The following POM121C variants were observed in gnomAD, a reference collection of about 807,000 sequenced individuals.
POM121C encodes nuclear envelope pore membrane protein POM 121C.
A neutral mutation model predicts 66.4 loss-of-function variants in POM121C; 20 were observed. The observed-to-expected ratio is 0.30, with a 90% CI of 0.21 to 0.44. POM121C has a LOEUF of 0.44. POM121C is among the 20% of genes least tolerant of loss of function. POM121C has a pLI of 1.00. For synonymous variants in POM121C, 286 were observed against 528.0 expected, an observed-to-expected ratio of 0.54 and a Z score of 6.28; for missense variants, 580 against 1,225.7, an observed-to-expected ratio of 0.47 and a Z score of 7.87.
intron 3 of POM121C, among the ~76,000 whole-genome samples, chr7:75,457,755 C>T (rs1373403279): frequency 6.6e-6 from 1 of 152,244 alleles, no homozygotes; most frequent in African/African-American, 2.4e-5. Flanking sequence ...CAACCCATTT[C>T]CCGTTCCCCG....
At chr7:75,456,380 T>G (rs1554476295) in intron 3 of POM121C, among the ~76,000 whole-genome samples, 3 of 152,266 alleles carry the variant, frequency 2.0e-5, no homozygotes, top group Non-Finnish European at 4.4e-5. Context: ...ATGTACCGAG[T>G]GCTGCTTCTG....
intron 6 of POM121C, 68 bp from the exon 7 acceptor site, chr7:75,437,754 C>G (rs1394103672): frequency 6.7e-7 from 1 of 1,494,674 alleles, no homozygotes; most frequent in Non-Finnish European, 9.0e-7. Context: ...CATCCACGGT[C>G]ATGACATCTT....
At position 75,426,749 on chromosome 7, in the gene POM121C, G is replaced by C. The variant is rs1449744262; in HGVS notation, c.481-296C>G. Among the ~76,000 whole-genome samples, 446 of 54,102 alleles carry C rather than the reference G, an allele frequency of 8.2e-3. 2 individuals are homozygous for C. Among genetic ancestry groups the C allele is most frequent in the Middle Eastern group, 0.021 (1 of 48 alleles). 35.5% of individuals were successfully genotyped at this position (54,102 alleles called of 152,430 possible). A position where few individuals can be genotyped will look rare whatever the true frequency, so the allele number is the denominator to read the frequency against. ...TACTCAGGAGGCTGCAGTGAGCTGAGATTGCCCCACTGCACTCCAGCCTGG... is the reference window on the plus strand; with the variant it reads ...TACTCAGGAGGCTGCAGTGAGCTGACATTGCCCCACTGCACTCCAGCCTGG... On this transcript the variant is annotated intron_variant, in intron 7 of 14. Coordinates refer to ENST00000615331, the MANE Select transcript of POM121C (RefSeq NM_001099415.3).
intron 3 of POM121C, among the ~76,000 whole-genome samples, chr7:75,471,850 C>A (rs61525887): frequency 6.6e-6 from 1 of 152,038 alleles, no homozygotes; most frequent in African/African-American, 2.4e-5. Flanking sequence ...TTAACATTAC[C>A]GTACACTTAA....
intron 7 of POM121C, among the ~76,000 whole-genome samples, chr7:75,434,019 CAACT>C (rs1790296702): frequency 1.3e-5 from 2 of 152,160 alleles, no homozygotes; most frequent in Admixed American, 6.5e-5. Context: ...AGAGCTGTAC[CAACT>C]GACACTCCCA....
At chr7:75,436,093 T>C (rs1790395437) in intron 7 of POM121C, among the ~76,000 whole-genome samples, 1 of 151,760 alleles carries the variant, frequency 6.6e-6, no homozygotes, top group Admixed American at 6.6e-5. Context: ...TCAAAGTAAT[T>C]ATAAACCAAC....
chr7:75,433,605 C>T (rs1554472666), intron 7 of POM121C, among the ~76,000 whole-genome samples: 2 of 152,126 alleles, frequency 1.3e-5, no homozygotes, highest in African/African-American at 4.8e-5. Context: ...GTGATCTGCC[C>T]ACCTCAGTCT....
At position 75,437,622 on chromosome 7, in the gene POM121C, G is replaced by C. The variant is rs587707419; in HGVS notation, c.373C>G (p.Arg125Gly). ...SSDDHLNKRS[R>G]SSSMSSLTGA... ...GTCAAGGAGCTCATGGAAGAGCTTC[G>C]GGATCTCTTATTCAAGTGGTCATCT... The change falls in exon 7 of 15, where the codon CGA (arginine) becomes GGA (glycine). Residue 125 changes from arginine to glycine, a missense_variant. Transcript: ENST00000615331. 2 of 1,613,876 alleles carry C rather than the reference G, an allele frequency of 1.2e-6. No homozygotes were observed. The highest frequency in any genetic ancestry group is 2.2e-5 in the East Asian group (1 of 44,880).
chr7:75,437,937 G>C (rs1554473250), intron 6 of POM121C, among the ~76,000 whole-genome samples: 1 of 152,180 alleles, frequency 6.6e-6, no homozygotes, highest in African/African-American at 2.4e-5. Context: ...AGACAGATCA[G>C]TGGATGCCTG....
At chr7:75,430,756 T>C (rs1484140180) in intron 7 of POM121C, among the ~76,000 whole-genome samples, 1 of 151,930 alleles carries the variant, frequency 6.6e-6, no homozygotes, top group Admixed American at 6.6e-5. Flanking sequence ...CATATTCAAA[T>C]CTCTGAGAAA....
At chr7:75,484,756 T>C (rs1344112780) in intron 1 of POM121C, among the ~76,000 whole-genome samples, 1 of 151,872 alleles carries the variant, frequency 6.6e-6, no homozygotes, top group Non-Finnish European at 1.5e-5. Context: ...TAGACTCTCA[T>C]GGGTAACATG....
chr7:75,424,941 C>CA, intron 10 of POM121C, 133 bp downstream of exon 10: 2 of 1,485,300 alleles, frequency 1.3e-6, no homozygotes, highest in East Asian at 4.8e-5. Context: ...GCCTGGGTGA[C>CA]AGAGGGATGT....
At chr7:75,441,176 C>T (rs1554473922) in intron 4 of POM121C, 61 bp from the exon 5 acceptor site, 8 of 1,596,660 alleles carry the variant, frequency 5.0e-6, no homozygotes, top group African/African-American at 4.1e-5. Context: ...ACATCAGAAA[C>T]GGAAATCAGA....
chr7:75,425,765 A>T (rs1789918626), intron 8 of POM121C, 57 bp from the exon 9 acceptor site: 2 of 1,436,752 alleles, frequency 1.4e-6, no homozygotes, highest in South Asian at 2.7e-5. Context: ...GAAGTATTAA[A>T]TAATTTCTCA....
rs368723160 is a variant in POM121C, at chr7:75,468,126, T to TA, written c.-152+6577dup. 5.5e-3 allele frequency among the ~76,000 whole-genome samples: 356 copies of TA among 64,328 alleles called. 6 individuals are homozygous for TA. Among genetic ancestry groups the TA allele is most frequent in the Admixed American group, 0.01 (41 of 4,088 alleles). The allele number at this position is 64,328 out of a possible 152,430, so 42.2% of individuals were successfully genotyped here. ...CAACCTGGGCAACAGAGACTCTGTC[T>TA]AAAAAAAAAAAAAAAAAAAAAAAAA... On this transcript the variant is annotated intron_variant, in intron 3 of 14. Transcript: ENST00000615331.
intron 3 of POM121C, among the ~76,000 whole-genome samples, chr7:75,468,249 G>A (rs1584706903): frequency 7.0e-6 from 1 of 143,286 alleles, no homozygotes; most frequent in Middle Eastern, 3.7e-3. Flanking sequence ...ACTATACAAC[G>A]CCTTCCCAGG....
At chr7:75,447,203 GACATTA>G (rs1790850643) in intron 3 of POM121C, among the ~76,000 whole-genome samples, 1 of 150,692 alleles carries the variant, frequency 6.6e-6, no homozygotes, top group Non-Finnish European at 1.5e-5. Context: ...AACAGAGAAA[GACATTA>G]ACATTAATTT....
At chr7:75,425,814 C>T (rs79240018) in intron 8 of POM121C, 106 bp from the exon 9 acceptor site, 2 of 984,722 alleles carry the variant, frequency 2.0e-6, no homozygotes, top group Admixed American at 5.8e-5. Context: ...TCTAAAACAA[C>T]CATCATTTAA....
intron 1 of POM121C, among the ~76,000 whole-genome samples, chr7:75,481,172 T>C (rs1792297646): frequency 1.3e-5 from 2 of 150,240 alleles, no homozygotes; most frequent in Non-Finnish European, 3.0e-5. Flanking sequence ...GCAATTTTTC[T>C]GAAAATCTGA....
Sources: allele counts gnomAD v4.1 joint callset (sites outside exome capture counted in the v4.1 genomes callset), GRCh38; gene constraint gnomAD v4.1.1; transcripts MANE v1.5; gene names NCBI Gene and HGNC (gene_info 2026-07-23, HGNC 2026-07-21).